Variants in CLEC16A observed in about 807,000 individuals in gnomAD.
CLEC16A encodes protein CLEC16A.
CLEC16A carries 51 observed loss-of-function variants against 109.5 expected under a neutral mutation model. The ratio of observed to expected loss-of-function variants is 0.47; its 90% CI spans 0.37 to 0.59. The LOEUF (loss-of-function observed/expected upper bound fraction) is 0.59, where lower values mean the gene tolerates loss of function less well. CLEC16A is among the 20% of genes least tolerant of loss of function. CLEC16A has a pLI of 0.00. For missense variants in CLEC16A, 1,339 were observed against 1,394.0 expected (o/e 0.96, Z 0.63); for synonymous variants, 673 against 564.2 (o/e 1.19, Z -2.73).
At chr16:10,994,092 A>C (rs981538979) in intron 10 of CLEC16A, among the ~76,000 whole-genome samples, 11 of 152,166 alleles carry the variant, frequency 7.2e-5, no homozygotes, top group Non-Finnish European at 1.6e-4. Flanking sequence ...AATTCCTGAG[A>C]GATGGACATT....
chr16:11,015,480 G>A (rs80207136), intron 11 of CLEC16A, among the ~76,000 whole-genome samples: 20,100 of 152,156 alleles, frequency 0.13, 1,330 homozygotes, highest in South Asian at 0.14. Context: ...GTGTGAAGCC[G>A]TAGAATTCCA....
intron 19 of CLEC16A, among the ~76,000 whole-genome samples, chr16:11,107,743 G>A (rs1489342610): frequency 1.3e-5 from 2 of 152,222 alleles, no homozygotes; most frequent in African/African-American, 4.8e-5. Flanking sequence ...ATCAGCACTG[G>A]CTTCCTTTTC....
intron 9 of CLEC16A, among the ~76,000 whole-genome samples, chr16:10,982,190 C>G (rs1054417512): frequency 2.0e-5 from 3 of 152,212 alleles, no homozygotes; most frequent in African/African-American, 7.2e-5. Flanking sequence ...TACCCTGATT[C>G]TTAAAGCTGG....
chr16:11,085,826 A>C (rs2049980080), intron 19 of CLEC16A, among the ~76,000 whole-genome samples: 4 of 152,178 alleles, frequency 2.6e-5, no homozygotes, highest in Admixed American at 2.6e-4. Flanking sequence ...CCCTGGGCTT[A>C]AGTGACCCTC....
At chr16:11,151,854 G>C (rs990336567) in intron 22 of CLEC16A, among the ~76,000 whole-genome samples, 2 of 152,200 alleles carry the variant, frequency 1.3e-5, no homozygotes. Flanking sequence ...GGGCTCTCTG[G>C]AGCCTTTCAA....
intron 19 of CLEC16A, among the ~76,000 whole-genome samples, chr16:11,072,916 CT>C (rs1471028674): frequency 1.3e-5 from 2 of 152,264 alleles, no homozygotes; most frequent in Non-Finnish European, 2.9e-5. Flanking sequence ...GGCTTGTTAA[CT>C]AGATAATAAG....
At chr16:11,156,916 C>T (rs1024540440) in intron 22 of CLEC16A, among the ~76,000 whole-genome samples, 1 of 101,586 alleles carries the variant, frequency 9.8e-6, no homozygotes, top group Non-Finnish European at 2.0e-5. Flanking sequence ...CCCAAATGCC[C>T]GCCCCCCCCC....
At chr16:11,109,741 C>G (rs570662521) in intron 19 of CLEC16A, among the ~76,000 whole-genome samples, 4 of 152,210 alleles carry the variant, frequency 2.6e-5, no homozygotes, top group African/African-American at 9.6e-5. Flanking sequence ...TCTTGGAATT[C>G]CAGGGTGAGC....
chr16:11,019,393 ATCTC>A, intron 11 of CLEC16A, among the ~76,000 whole-genome samples: 1 of 152,286 alleles, frequency 6.6e-6, no homozygotes, highest in African/African-American at 2.4e-5. Flanking sequence ...GAGGTTCCTA[ATCTC>A]TCTCTGCCTT....
chr16:10,966,359 C>T (rs1379151276), intron 3 of CLEC16A, among the ~76,000 whole-genome samples: 4 of 152,116 alleles, frequency 2.6e-5, no homozygotes, highest in Non-Finnish European at 5.9e-5. Context: ...ACAGGCAAAA[C>T]GAGTCTGATG....
intron 11 of CLEC16A, among the ~76,000 whole-genome samples, chr16:11,004,954 G>A (rs2044904401): frequency 1.3e-5 from 2 of 152,172 alleles, no homozygotes; most frequent in Non-Finnish European, 2.9e-5. Context: ...GGGTCATTCT[G>A]ATTATTTTGT....
intron 19 of CLEC16A, among the ~76,000 whole-genome samples, chr16:11,061,395 G>C (rs958607999): frequency 2.0e-5 from 3 of 152,146 alleles, no homozygotes; most frequent in Non-Finnish European, 4.4e-5. Context: ...ATGATAAAAG[G>C]GTTCTGCTGC....
At chr16:11,068,385 A>G (rs1361732922) in intron 19 of CLEC16A, among the ~76,000 whole-genome samples, 1 of 152,136 alleles carries the variant, frequency 6.6e-6, no homozygotes, top group African/African-American at 2.4e-5. Context: ...AAACCTAGCT[A>G]TCACCTTGAA....
In CLEC16A at chr16:10,950,672, G is replaced by A. The variant is rs549817258; in HGVS notation, c.80+5875G>A. ...CCAGAAGGCTGAACACTGACCAGAT[G>A]GTGGTTTTCAGGGCACAGAGTGGGA... On this transcript the variant is annotated intron_variant, in intron 1 of 23. Coordinates refer to ENST00000409790, the MANE Select transcript of CLEC16A (RefSeq NM_015226.3). Among the ~76,000 whole-genome samples, 174 of 152,356 alleles carry A rather than the reference G, an allele frequency of 1.1e-3. 6 individuals carry two copies. In the South Asian group the frequency reaches 0.035, roughly 31 times the overall value.
Position 11,123,958 on chromosome 16 carries a change from G to C in CLEC16A, c.2473+12G>C. The C allele has an allele frequency of 2.5e-6, 4 of 1,584,490 alleles. No homozygotes were observed. Among genetic ancestry groups the C allele is most frequent in the Non-Finnish European group, 3.4e-6 (4 of 1,165,570 alleles). ...GCAGAGAATAGCTGGTGAGTGGCTG[G>C]ACCCTGGCAGGGCATCCTCTGAGCA... is the stretch of plus-strand genomic sequence containing the variant. On this transcript the variant is annotated intron_variant, in intron 21 of 23. Coordinates refer to ENST00000409790, the MANE Select transcript of CLEC16A (RefSeq NM_015226.3).
chr16:11,040,149 T>C (rs906083874), intron 14 of CLEC16A: 5 of 414,982 alleles, frequency 1.2e-5, no homozygotes, highest in African/African-American at 2.0e-5. Flanking sequence ...TTGCTGAGAT[T>C]GTCAATGTTT....
intron 23 of CLEC16A, among the ~76,000 whole-genome samples, chr16:11,176,317 A>G (rs1181467659): frequency 6.6e-6 from 1 of 152,116 alleles, no homozygotes; most frequent in Non-Finnish European, 1.5e-5. Context: ...ACCTCAAATC[A>G]CTTTTTCCAC....
At chr16:10,998,974 T>C (rs2044497246) in intron 10 of CLEC16A, among the ~76,000 whole-genome samples, 1 of 152,198 alleles carries the variant, frequency 6.6e-6, no homozygotes, top group African/African-American at 2.4e-5. Flanking sequence ...ACTGTGATGT[T>C]TTGGTGTTAG....
chr16:10,976,562 C>T (rs930247583), intron 7 of CLEC16A, among the ~76,000 whole-genome samples: 1 of 152,176 alleles, frequency 6.6e-6, no homozygotes, highest in Non-Finnish European at 1.5e-5. Flanking sequence ...AAATGATCAT[C>T]TATCAGTTGG....
Sources: gnomAD v4.1 joint callset for allele counts (sites outside exome capture counted in the v4.1 genomes callset) on GRCh38, gnomAD v4.1.1 for gene constraint, MANE v1.5 for transcripts, NCBI Gene and HGNC (gene_info 2026-07-23, HGNC 2026-07-21) for gene names.